SLC15A1: variants seen among roughly 807,000 people sequenced by gnomAD.
The protein encoded by SLC15A1 is Caco-2 oligopeptide transporter.
In SLC15A1, 83 loss-of-function variants were observed where a neutral mutation model predicts 92.9. The ratio of observed to expected loss-of-function variants is 0.89; its 90% CI spans 0.75 to 1.07. The LOEUF is 1.07. Among genes scored for constraint, SLC15A1 ranks in the 50% least tolerant of loss-of-function variants. The pLI is 0.00. For synonymous variants in SLC15A1, 322 were observed against 318.2 expected (o/e 1.01, Z -0.13); for missense variants, 857 against 880.1 (o/e 0.97, Z 0.33).
intron 21 of SLC15A1, 127 bp downstream of exon 21, chr13:98,687,454 G>T: frequency 9.0e-7 from 1 of 1,105,836 alleles, no homozygotes; most frequent in Non-Finnish European, 1.3e-6. Flanking sequence ...TTGCTGTAGG[G>T]AAGATACCAT....
intron 1 of SLC15A1, among the ~76,000 whole-genome samples, chr13:98,732,694 G>T (rs1237918295): frequency 6.6e-6 from 1 of 152,204 alleles, no homozygotes; most frequent in Non-Finnish European, 1.5e-5. Context: ...GACTTCGGAA[G>T]TTGGAAGGAA....
rs138444692 is a variant in SLC15A1 at position 98,684,511 on chromosome 13, C to T, written c.*213G>A. 8.2e-4 allele frequency: 314 copies of T among 385,036 alleles called. No individual in the cohort carries two copies. The highest frequency in any genetic ancestry group is 6.5e-3 in the African/African-American group (283 of 43,568). The allele number at this position is 385,036 out of a possible 1,614,324, so 23.9% of individuals were successfully genotyped here. A position where few individuals can be genotyped will look rare whatever the true frequency, so the allele number is the denominator to read the frequency against. On this transcript the variant is annotated 3_prime_UTR_variant, in exon 23 of 23. Transcript: ENST00000376503. ...AGTGAGCTGAGATCGTGCCATTGCA[C>T]TCCAGCCTGGACAACAAGAGCAAAA...
At chr13:98,741,885 C>G (rs990971060) in intron 1 of SLC15A1, among the ~76,000 whole-genome samples, 1 of 152,224 alleles carries the variant, frequency 6.6e-6, no homozygotes, top group Admixed American at 6.5e-5. Flanking sequence ...AATGAGGTAT[C>G]AGACTCCAAG....
chr13:98,709,718 G>A, intron 13 of SLC15A1, 24 bp downstream of exon 13: 1 of 1,614,176 alleles, frequency 6.2e-7, no homozygotes, highest in Non-Finnish European at 8.5e-7. Context: ...TCTGATCCCT[G>A]AAAGCAACTT....
At chr13:98,724,060 A>G (rs1278683045) in intron 4 of SLC15A1, 29 bp from the exon 5 acceptor site, 1 of 1,612,768 alleles carries the variant, frequency 6.2e-7, no homozygotes, top group Non-Finnish European at 8.5e-7. Context: ...AGAGAATCCG[A>G]GTTAATTGCA....
intron 1 of SLC15A1, among the ~76,000 whole-genome samples, chr13:98,746,104 C>A (rs2088490987): frequency 6.6e-6 from 1 of 152,122 alleles, no homozygotes; most frequent in African/African-American, 2.4e-5. Flanking sequence ...TTCGCTGCTG[C>A]TTATACGTGG....
Position 98,721,558 on chromosome 13 carries a change from T to C in SLC15A1, c.493A>G (p.Ile165Val), listed in dbSNP as rs1437755075. 1.2e-6 allele frequency: 2 copies of C among 1,604,470 alleles called. No individual in the cohort carries two copies. Among genetic ancestry groups the C allele is most frequent in the Non-Finnish European group, 1.7e-6 (2 of 1,175,582 alleles). The change falls in exon 7 of 23, where the codon ATC (isoleucine) becomes GTC (valine). Residue 165 changes from isoleucine to valine, a missense_variant. Coordinates refer to ENST00000376503, the MANE Select transcript of SLC15A1 (RefSeq NM_005073.4). ...CCAGCATTAATAGCCAAGTAAAAGA[T>C]GGAAAAAAATCTGTTTCTTTGTTTC... is the stretch of plus-strand genomic sequence containing the variant. ...QEKQRNRFFS[I>V]FYLAINAGSL...
At chr13:98,732,438 T>A (rs1594006094) in intron 1 of SLC15A1, among the ~76,000 whole-genome samples, 3 of 152,260 alleles carry the variant, frequency 2.0e-5, no homozygotes, top group East Asian at 1.9e-4. Context: ...ATATTATACA[T>A]TTATATGATT....
chr13:98,735,136 C>A (rs1424345693), intron 1 of SLC15A1, among the ~76,000 whole-genome samples: 1 of 152,192 alleles, frequency 6.6e-6, no homozygotes, highest in Admixed American at 6.5e-5. Flanking sequence ...AAAGCTTATC[C>A]ACCATGATCA....
In SLC15A1 at chr13:98,711,928, G is replaced by A. The variant is rs1442481002; in HGVS notation, c.826C>T (p.Gln276Ter). 6.2e-7 allele frequency: 1 copy of A among 1,612,368 alleles called. No homozygotes were observed. Among genetic ancestry groups the A allele is most frequent in the East Asian group, 2.2e-5 (1 of 44,878 alleles). ...KEKYDERLISQIKMVTRVMFL... is the reference protein window; with the variant it reads ...KEKYDERLIS ...ATCACCCTCGTAACCATCTTAATTTGGGAGATGAGCCGCTCCTGTAGTTGG... is the reference window on the plus strand; with the variant it reads ...ATCACCCTCGTAACCATCTTAATTTAGGAGATGAGCCGCTCCTGTAGTTGG... Residue 276 changes from glutamine to a stop codon, truncating the protein, a stop_gained, in exon 11 of 23, where the codon CAA becomes TAA. Coordinates refer to ENST00000376503, the MANE Select transcript of SLC15A1 (RefSeq NM_005073.4). LOFTEE classifies it high-confidence loss of function.
At chr13:98,734,220 T>C (rs4771316) in intron 1 of SLC15A1, among the ~76,000 whole-genome samples, 97,177 of 152,046 alleles carry the variant, frequency 0.64, 33,219 homozygotes, top group African/African-American at 0.89. Context: ...TCACTTCAAC[T>C]TCCCAAAGTG....
At chr13:98,750,210 T>G (rs1280934444) in intron 1 of SLC15A1, among the ~76,000 whole-genome samples, 3 of 152,074 alleles carry the variant, frequency 2.0e-5, no homozygotes, top group Non-Finnish European at 2.9e-5. Context: ...CCTCCCGGGT[T>G]CAAGTGATTC....
At chr13:98,719,692 G>A (rs900865251) in intron 7 of SLC15A1, among the ~76,000 whole-genome samples, 2 of 152,200 alleles carry the variant, frequency 1.3e-5, no homozygotes, top group Admixed American at 1.3e-4. Context: ...ATCTGTTCCT[G>A]AATTCATGCC....
At chr13:98,737,145 A>T (rs1462088015) in intron 1 of SLC15A1, among the ~76,000 whole-genome samples, 2 of 152,254 alleles carry the variant, frequency 1.3e-5, no homozygotes, top group Non-Finnish European at 2.9e-5. Flanking sequence ...TATATACACC[A>T]TGGAATACTA....
intron 1 of SLC15A1, among the ~76,000 whole-genome samples, chr13:98,739,610 C>T (rs867045710): frequency 3.9e-5 from 6 of 152,116 alleles, no homozygotes; most frequent in South Asian, 2.1e-4. Context: ...ATGCCTGCTC[C>T]CCCTTCACCT....
intron 7 of SLC15A1, among the ~76,000 whole-genome samples, chr13:98,719,863 G>C (rs942617633): frequency 6.6e-6 from 1 of 152,152 alleles, no homozygotes; most frequent in Non-Finnish European, 1.5e-5. Flanking sequence ...TCAATGAATG[G>C]TCTTGCCCAG....
chr13:98,690,052 A>G (rs2087962963), intron 18 of SLC15A1, among the ~76,000 whole-genome samples: 1 of 152,238 alleles, frequency 6.6e-6, no homozygotes, highest in African/African-American at 2.4e-5. Context: ...CCTAGTGACC[A>G]GGACGGTGTT....
chr13:98,702,497 T>G lies in SLC15A1; in HGVS notation c.1449A>C (p.Lys483Asn), dbSNP rs550700409. The change falls in exon 18 of 23, where the codon AAA becomes AAC. Residue 483 changes from lysine (K) to asparagine (N), a missense_variant. Transcript: ENST00000376503. ...VKDGLNQKPE[K>N]GENGIRFVNT... is the part of the protein sequence containing the mutation. ...ATACATACCTGATTCCATTTTCCCCTTTTTCTGGCTTCTGGTTAAGACCAT... is the reference window on the plus strand; with the variant it reads ...ATACATACCTGATTCCATTTTCCCCGTTTTCTGGCTTCTGGTTAAGACCAT... 1.2e-6 allele frequency: 2 copies of G among 1,606,550 alleles called. No individual in the cohort carries two copies. The highest frequency in any genetic ancestry group is 2.7e-5 in the African/African-American group (2 of 74,722).
In SLC15A1 at chr13:98,708,652, G is replaced by T. The variant is rs1442682652; in HGVS notation, c.1149+34C>A. On this transcript the variant is annotated intron_variant, in intron 15 of 22. Coordinates refer to ENST00000376503, the MANE Select transcript of SLC15A1 (RefSeq NM_005073.4). Reference sequence around the variant, plus strand: ...CTGAACGCTCCACCTAAATCCACCAGGAAAGGACATGGGAGAACCAGGGGA... The same window carrying T: ...CTGAACGCTCCACCTAAATCCACCATGAAAGGACATGGGAGAACCAGGGGA... 1.9e-6 allele frequency: 3 copies of T among 1,581,920 alleles called. No homozygotes were observed. In the Admixed American group the frequency reaches 5.2e-5, roughly 28 times the overall value.
Sources: allele counts gnomAD v4.1 joint callset (sites outside exome capture counted in the v4.1 genomes callset), GRCh38; gene constraint gnomAD v4.1.1; transcripts MANE v1.5; gene names NCBI Gene and HGNC (gene_info 2026-07-23, HGNC 2026-07-21).